The following XG variants were observed in gnomAD, a reference collection of about 807,000 sequenced individuals.
The protein encoded by XG is glycoprotein Xg.
A neutral mutation model predicts 25.7 loss-of-function variants in XG; 24 were observed. The observed-to-expected ratio is 0.93, with a 90% confidence interval of 0.68 to 1.31. The LOEUF (loss-of-function observed/expected upper bound fraction) is 1.31. Ranked by LOEUF, XG falls within the 40% of genes most tolerant of loss-of-function variation. XG has a pLI of 0.00. For synonymous variants in XG, 77 were observed against 69.2 expected, an observed-to-expected ratio of 1.11 and a Z score of -0.56; for missense variants, 181 against 187.6, an observed-to-expected ratio of 0.96 and a Z score of 0.21.
At chrX:2,797,884 G>T (rs1218652633) in intron 7 of XG, among the ~76,000 whole-genome samples, 2 of 110,043 alleles carry the variant, frequency 1.8e-5, no homozygotes, top group Non-Finnish European at 1.9e-5. Context: ...ATACATATAT[G>T]CAAAAATTAG....
intron 7 of XG, among the ~76,000 whole-genome samples, chrX:2,802,634 C>A (rs753363171): frequency 1.9e-5 from 2 of 107,907 alleles, no homozygotes; most frequent in African/African-American, 3.4e-5. Flanking sequence ...TTGTGTGGGA[C>A]GGCAGAGCTC....
At chrX:2,796,675 T>C (rs1478225532) in intron 6 of XG, among the ~76,000 whole-genome samples, 1 of 111,061 alleles carries the variant, frequency 9.0e-6, no homozygotes, top group Non-Finnish European at 1.9e-5. Context: ...GAGTGTGATG[T>C]TTGAGGCTTT....
At chrX:2,789,126 G>A (rs2086812417) in intron 4 of XG, among the ~76,000 whole-genome samples, 1 of 110,797 alleles carries the variant, frequency 9.0e-6, no homozygotes, top group Non-Finnish European at 1.9e-5. Context: ...AGCTACATGG[G>A]TGGCTGAGGT....
At chrX:2,759,668 G>A (rs1395200502) in intron 1 of XG, among the ~76,000 whole-genome samples, 3 of 152,164 alleles carry the variant, frequency 2.0e-5, no homozygotes, top group Non-Finnish European at 2.9e-5. Flanking sequence ...AGACAAGCAC[G>A]GAGTCCAAGA....
At chrX:2,801,730 A>G (rs2086939868) in intron 7 of XG, among the ~76,000 whole-genome samples, 1 of 108,787 alleles carries the variant, frequency 9.2e-6, no homozygotes, top group South Asian at 3.8e-4. Flanking sequence ...TTTTTTTGAG[A>G]CGGAGTCTCG....
At chrX:2,763,004 G>A (rs2050598603) in intron 1 of XG, among the ~76,000 whole-genome samples, 1 of 152,174 alleles carries the variant, frequency 6.6e-6, no homozygotes, top group African/African-American at 2.4e-5. Context: ...TTAGTTTCCT[G>A]TAAAGACTAA....
rs1479424646 is a variant in XG, at chrX:2,794,305, A to G, written c.254-230A>G. Among the ~76,000 whole-genome samples the G allele has an allele frequency of 2.7e-5, 3 of 112,263 alleles. No homozygotes were observed. In the Admixed American group the frequency reaches 2.8e-4, roughly 11 times the overall value. ...AGCAGAAGAGGGGCAAACATCAGCA[A>G]TATGAGGCCACACTGCAGACGTTCT... is the stretch of plus-strand genomic sequence containing the variant. On this transcript the variant is annotated intron_variant, in intron 5 of 10. Transcript: ENST00000644266.
At chrX:2,791,452 G>A (rs981911933) in intron 5 of XG, among the ~76,000 whole-genome samples, 1 of 110,531 alleles carries the variant, frequency 9.0e-6, no homozygotes, top group African/African-American at 3.3e-5. Flanking sequence ...CTTGGGTCTT[G>A]CAACTGAAGA....
At chrX:2,770,619 T>C in intron 2 of XG, 28 bp downstream of exon 2, 2 of 1,613,720 alleles carry the variant, frequency 1.2e-6, no homozygotes, top group South Asian at 2.2e-5. Flanking sequence ...AAGGGGAGCC[T>C]TCCCTTTTCA....
chrX:2,784,791 C>T, intron 4 of XG, among the ~76,000 whole-genome samples: 1 of 111,540 alleles, frequency 9.0e-6, no homozygotes, highest in East Asian at 2.8e-4. Flanking sequence ...GAGGAGGCTT[C>T]CTTTCCGACT....
At chrX:2,797,402 G>A (rs1308441608) in intron 7 of XG, 42 bp downstream of exon 7, 2 of 1,054,244 alleles carry the variant, frequency 1.9e-6, no homozygotes, top group South Asian at 1.8e-5. Context: ...TGGAGGGTGG[G>A]AGGGGTCATC....
At chrX:2,784,476 A>G (rs755589665) in intron 4 of XG, among the ~76,000 whole-genome samples, 1 of 109,376 alleles carries the variant, frequency 9.1e-6, no homozygotes, top group South Asian at 4.1e-4. Flanking sequence ...AGGCTGAGGC[A>G]TAAGAATCGC....
intron 2 of XG, among the ~76,000 whole-genome samples, chrX:2,773,331 G>T (rs1019361746): frequency 6.9e-6 from 1 of 144,912 alleles, no homozygotes; most frequent in African/African-American, 2.6e-5. Context: ...GGGAAGGAAA[G>T]AAAGAAAAAT....
At chrX:2,755,825 G>C (rs1475599423) in intron 1 of XG, among the ~76,000 whole-genome samples, 2 of 152,032 alleles carry the variant, frequency 1.3e-5, no homozygotes, top group Non-Finnish European at 2.9e-5. Flanking sequence ...AGCTGGAAAT[G>C]GGGCACATTC....
At chrX:2,801,798 T>G (rs1033447671) in intron 7 of XG, among the ~76,000 whole-genome samples, 28 of 110,863 alleles carry the variant, frequency 2.5e-4, no homozygotes, top group Admixed American at 1.5e-3. Context: ...AAGCTCCGCC[T>G]CCCGGGTTCA....
In XG at chrX:2,811,325, C is replaced by T. The variant is rs750659064; in HGVS notation, c.455-11C>T. The T allele has an allele frequency of 4.1e-5, 49 of 1,183,785 alleles. No homozygotes were observed. The highest frequency in any genetic ancestry group is 5.5e-5 in the Non-Finnish European group (48 of 876,850). ...TTCTCGGATGAGCTTGCTTTTTCTC[C>T]ACTCCTGCAGGCAATATGGTAGCAA... On this transcript the variant is annotated splice_polypyrimidine_tract_variant and intron_variant, in intron 9 of 10. Transcript: ENST00000644266.
chrX:2,770,016 T>TGGGGGGGGGG (rs1201452154), intron 1 of XG, among the ~76,000 whole-genome samples: 12 of 45,522 alleles, frequency 2.6e-4, no homozygotes, highest in Admixed American at 5.2e-4. Flanking sequence ...TGTGCGTGTG[T>TGGGGGGGGGG]GGAGGGGTGG....
At position 2,778,921 on chromosome X, in the gene XG, C is replaced by T. The variant is rs768551383; in HGVS notation, c.128-3145C>T. Among the ~76,000 whole-genome samples, 4 of 152,150 alleles carry T rather than the reference C, an allele frequency of 2.6e-5. No individual in the cohort carries two copies. In the South Asian group the frequency reaches 8.3e-4, roughly 32 times the overall value. ...GGACTACAGGCATGTGCCACCACGC[C>T]TGGCTAATTTTTGCATTTTTTTAGT... On this transcript the variant is annotated intron_variant, in intron 3 of 10. Coordinates refer to ENST00000644266, the MANE Select transcript of XG (RefSeq NM_001141919.2).
chrX:2,801,898 G>A (rs769892603), intron 7 of XG, among the ~76,000 whole-genome samples: 8 of 109,560 alleles, frequency 7.3e-5, no homozygotes, highest in African/African-American at 1.0e-4. Flanking sequence ...TAGTAGAGAC[G>A]GGGTTTCACC....
Sources: allele counts gnomAD v4.1 joint callset (sites outside exome capture counted in the v4.1 genomes callset), GRCh38; gene constraint gnomAD v4.1.1; transcripts MANE v1.5; gene names NCBI Gene and HGNC (gene_info 2026-07-23, HGNC 2026-07-21).